The following ROBO1 variants were observed in gnomAD, a reference collection of about 807,000 sequenced individuals.
The protein encoded by ROBO1 is roundabout guidance receptor 1.
Under a neutral mutation model 195.9 loss-of-function variants are expected in ROBO1, and 149 were observed. The ratio of observed to expected loss-of-function variants is 0.76; its 90% CI spans 0.67 to 0.87. The LOEUF (loss-of-function observed/expected upper bound fraction) is 0.87. ROBO1 is among the 40% of genes least tolerant of loss of function. ROBO1 has a pLI of 0.00. For missense variants in ROBO1, 1,933 were observed against 2,068.3 expected (o/e 0.93, Z 1.27); for synonymous variants, 816 against 733.2 (o/e 1.11, Z -1.82).
intron 2 of ROBO1, among the ~76,000 whole-genome samples, chr3:79,520,168 A>AG (rs1941148114): frequency 6.6e-6 from 1 of 151,666 alleles, no homozygotes; most frequent in African/African-American, 2.4e-5. Context: ...AAAAAAAAAA[A>AG]AAAAAGAGAG....
At chr3:78,937,468 T>C (rs1470441000) in intron 4 of ROBO1, among the ~76,000 whole-genome samples, 2 of 152,064 alleles carry the variant, frequency 1.3e-5, no homozygotes, top group Non-Finnish European at 2.9e-5. Context: ...GTGAATTTTA[T>C]CTAAATTTCA....
At chr3:79,514,388 A>C (rs1940854149) in intron 2 of ROBO1, among the ~76,000 whole-genome samples, 1 of 152,186 alleles carries the variant, frequency 6.6e-6, no homozygotes, top group African/African-American at 2.4e-5. Flanking sequence ...CTTCTTAAAG[A>C]ATGTAGATAA....
chr3:78,795,696 G>A (rs1242820592), intron 4 of ROBO1, among the ~76,000 whole-genome samples: 16 of 151,994 alleles, frequency 1.1e-4, no homozygotes, highest in Non-Finnish European at 1.8e-4. Flanking sequence ...TTATAGCTAC[G>A]GAGGCATGTT....
chr3:79,505,385 A>G (rs1321440805), intron 2 of ROBO1, among the ~76,000 whole-genome samples: 1 of 151,866 alleles, frequency 6.6e-6, no homozygotes, highest in Non-Finnish European at 1.5e-5. Context: ...CGACAATGAT[A>G]TAAGAAAGAC....
intron 2 of ROBO1, among the ~76,000 whole-genome samples, chr3:79,357,379 C>T (rs780534785): frequency 5.9e-5 from 9 of 152,016 alleles, no homozygotes; most frequent in African/African-American, 1.2e-4. Context: ...CTGCAGTATG[C>T]GTTTCATGTC....
intron 4 of ROBO1, among the ~76,000 whole-genome samples, chr3:78,871,222 G>A (rs925263701): frequency 1.3e-5 from 2 of 152,122 alleles, no homozygotes; most frequent in Admixed American, 1.3e-4. Flanking sequence ...AGCGGCACAG[G>A]GAAGTGTCAT....
intron 2 of ROBO1, among the ~76,000 whole-genome samples, chr3:79,249,001 T>G (rs2082674293): frequency 1.3e-5 from 2 of 152,246 alleles, no homozygotes; most frequent in African/African-American, 4.8e-5. Flanking sequence ...GTAGAGAGAC[T>G]AATGAAGTTT....
At chr3:79,144,095 C>A (rs1305052215) in intron 2 of ROBO1, among the ~76,000 whole-genome samples, 2 of 151,878 alleles carry the variant, frequency 1.3e-5, no homozygotes, top group Non-Finnish European at 1.5e-5. Context: ...GTTTATTTAG[C>A]CATTGACCTG....
intron 1 of ROBO1, among the ~76,000 whole-genome samples, chr3:79,642,482 C>A (rs1008009231): frequency 1.3e-5 from 2 of 151,998 alleles, no homozygotes; most frequent in African/African-American, 2.4e-5. Context: ...TAATAAAACT[C>A]TCAAAGGTCA....
At chr3:79,298,110 G>A (rs946373074) in intron 2 of ROBO1, among the ~76,000 whole-genome samples, 1 of 151,740 alleles carries the variant, frequency 6.6e-6, no homozygotes, top group Non-Finnish European at 1.5e-5. Context: ...TTTGTGATAT[G>A]GATTTAAAAA....
chr3:78,602,664 A>T (rs1007095015), intron 29 of ROBO1, among the ~76,000 whole-genome samples: 1 of 152,128 alleles, frequency 6.6e-6, no homozygotes, highest in Non-Finnish European at 1.5e-5. Flanking sequence ...CACGTCATTA[A>T]TACATTGTTT....
chr3:79,040,819 A>G (rs1023776101), intron 3 of ROBO1, among the ~76,000 whole-genome samples: 1 of 152,166 alleles, frequency 6.6e-6, no homozygotes, highest in African/African-American at 2.4e-5. Context: ...CAAAGTATTC[A>G]ATTGTGTAAT....
At chr3:79,028,632 T>C (rs1266918388) in intron 3 of ROBO1, among the ~76,000 whole-genome samples, 1 of 151,970 alleles carries the variant, frequency 6.6e-6, no homozygotes, top group Non-Finnish European at 1.5e-5. Context: ...CACAATTTAT[T>C]AAATTACTCA....
chr3:79,416,363 T>C (rs1272756470), intron 2 of ROBO1, among the ~76,000 whole-genome samples: 1 of 151,484 alleles, frequency 6.6e-6, no homozygotes, highest in Non-Finnish European at 1.5e-5. Context: ...CCTGGCACTT[T>C]GAGGCTGAGG....
chr3:78,773,719 C>T (rs1042380958), intron 4 of ROBO1, among the ~76,000 whole-genome samples: 11 of 152,156 alleles, frequency 7.2e-5, no homozygotes, highest in African/African-American at 2.7e-4. Flanking sequence ...AAAACTCATC[C>T]TTTTTCATTG....
chr3:79,679,521 T>C (rs550178184), intron 1 of ROBO1, among the ~76,000 whole-genome samples: 3 of 152,074 alleles, frequency 2.0e-5, no homozygotes, highest in Non-Finnish European at 4.4e-5. Context: ...TATGTGTATA[T>C]GTTTAAGTAT....
chr3:79,353,498 G>C (rs1463707719), intron 2 of ROBO1, among the ~76,000 whole-genome samples: 1 of 151,974 alleles, frequency 6.6e-6, no homozygotes, highest in Admixed American at 6.6e-5. Flanking sequence ...GTAGTCATGA[G>C]AGTGGCTGCT....
intron 3 of ROBO1, among the ~76,000 whole-genome samples, chr3:79,102,411 T>A (rs961934140): frequency 1.3e-5 from 2 of 151,672 alleles, no homozygotes; most frequent in Non-Finnish European, 2.9e-5. Context: ...AGGTTTTCAA[T>A]CATAAGAGAG....
chr3:79,184,735 G>A (rs979721120), intron 2 of ROBO1, among the ~76,000 whole-genome samples: 1 of 152,148 alleles, frequency 6.6e-6, no homozygotes, highest in African/African-American at 2.4e-5. Context: ...GACAGTTGGA[G>A]CTCTGGAAAG....
Sources: gnomAD v4.1 joint callset for allele counts (sites outside exome capture counted in the v4.1 genomes callset) on GRCh38, gnomAD v4.1.1 for gene constraint, MANE v1.5 for transcripts, NCBI Gene and HGNC (gene_info 2026-07-23, HGNC 2026-07-21) for gene names.